Variants in AGRN observed in about 807,000 individuals in gnomAD.
AGRN encodes the protein agrin.
Under a neutral mutation model 211.0 loss-of-function variants are expected in AGRN, and 106 were observed. The observed-to-expected ratio is 0.50, with a 90% CI of 0.43 to 0.59. The LOEUF is 0.59. AGRN is among the 20% of genes least tolerant of loss of function. AGRN has a pLI of 0.00. For missense variants in AGRN, 3,040 were observed against 2,982.6 expected, an observed-to-expected ratio of 1.02 and a Z score of -0.45; for synonymous variants, 1,525 against 1,332.5, an observed-to-expected ratio of 1.14 and a Z score of -3.15.
intron 2 of AGRN, chr1:1,034,340 C>G: frequency 1.0e-6 from 1 of 985,522 alleles, no homozygotes; most frequent in Non-Finnish European, 1.2e-6. Flanking sequence ...ATTTCTACTC[C>G]GGGAGAATTC....
intron 3 of AGRN, among the ~76,000 whole-genome samples, chr1:1,037,519 A>G (rs572426845): frequency 2.0e-5 from 3 of 152,204 alleles, no homozygotes; most frequent in African/African-American, 7.2e-5. Context: ...ACCCGCTCCT[A>G]TAAAAAGCAC....
rs369468217 is a variant in AGRN, at chr1:1,048,489, G to A, written c.4105+124G>A. On this transcript the variant is annotated intron_variant, in intron 23 of 35. Transcript: ENST00000379370. The surrounding 1 kb of genome is among the most constrained non-coding windows in gnomAD (Gnocchi z 5.9). ...GGAGCCCGGATTAAGGCGGGGTTTC[G>A]GCCAGATGCGGTGGCTCACGCCTGT... is the stretch of plus-strand genomic sequence containing the variant. The A allele has an allele frequency of 1.9e-5, 16 of 859,006 alleles. No individual in the cohort carries two copies. The highest frequency in any genetic ancestry group is 1.4e-4 in the East Asian group (5 of 36,462). 53.2% of individuals were successfully genotyped at this position (859,006 alleles called of 1,614,324 possible). A position where few individuals can be genotyped will look rare whatever the true frequency, so the allele number is the denominator to read the frequency against.
Position 1,041,290 on chromosome 1 carries a change from G to A in AGRN, c.845G>A (p.Gly282Glu). The A allele has an allele frequency of 6.6e-7, 1 of 1,515,780 alleles. No individual in the cohort carries two copies. Among genetic ancestry groups the A allele is most frequent in the Admixed American group, 2.0e-5 (1 of 49,156 alleles). 93.9% of individuals were successfully genotyped at this position (1,515,780 alleles called of 1,614,324 possible). Residue 282 changes from glycine (G) to glutamate (E), a missense_variant, in exon 5 of 36, where the codon GGG (glycine) becomes GAG (glutamate). Gly to Glu is a moderately conservative substitution (Grantham distance 98). Transcript: ENST00000379370. ...GCGACCTGCCGTGGCGCCCCCGAGG[G>A]GACCGTCTGCGGCAGCGACGGCGCC... ...CPATCRGAPE[G>E]TVCGSDGADY... is the part of the protein sequence containing the mutation.
In AGRN at chr1:1,048,887, G is replaced by A; in HGVS notation, c.4126G>A (p.Ala1376Thr). Reference sequence around the variant, plus strand: ...TGCAGTGCTTGGCGCCCCTGTGCCGGCCTTCGAGGGCCGCTCCTTCCTGGC... The same window carrying A: ...TGCAGTGCTTGGCGCCCCTGTGCCGACCTTCGAGGGCCGCTCCTTCCTGGC... ...CEKVLGAPVPAFEGRSFLAFP... is the reference protein window; with the variant it reads ...CEKVLGAPVPTFEGRSFLAFP... Residue 1376 changes from alanine to threonine, a missense_variant, in exon 24 of 36, where the codon GCC becomes ACC. Around this residue, in one of 3 missense-constraint regions of AGRN, gnomAD observed 1,537 missense variants for 1,505.0 expected, o/e 1.02. Coordinates refer to ENST00000379370, the MANE Select transcript of AGRN (RefSeq NM_198576.4). The surrounding 1 kb of genome is among the most constrained non-coding windows in gnomAD (Gnocchi z 5.9). 6.5e-7 allele frequency: 1 copy of A among 1,542,252 alleles called. No homozygotes were observed. Among genetic ancestry groups the A allele is most frequent in the Non-Finnish European group, 8.7e-7 (1 of 1,143,456 alleles).
chr1:1,039,282 G>T (rs2465135), intron 3 of AGRN, among the ~76,000 whole-genome samples: 135,806 of 151,662 alleles, frequency 0.9, 61,188 homozygotes, highest in East Asian at 1. Context: ...GATGGCAGGC[G>T]GATGGCCCTC....
At position 1,045,802 on chromosome 1, in the gene AGRN, A is replaced by T; in HGVS notation, c.2606A>T (p.Lys869Met). ...CAGATGACGGGGCTGTGCTCGTGTA[A>T]GCCCGGGGTGGCTGGACCCAAGTGT... ...CEQMTGLCSC[K>M]PGVAGPKCGQ... Residue 869 changes from lysine to methionine, a missense_variant, in exon 15 of 36, where the codon AAG (lysine) becomes ATG (methionine). Around this residue, in one of 3 missense-constraint regions of AGRN, gnomAD observed 1,498 missense variants for 1,457.8 expected, o/e 1.03. Transcript: ENST00000379370. The T allele has an allele frequency of 6.2e-7, 1 of 1,613,096 alleles. No homozygotes were observed. Among genetic ancestry groups the T allele is most frequent in the Non-Finnish European group, 8.5e-7 (1 of 1,179,934 alleles).
chr1:1,040,530 G>A, intron 3 of AGRN, 135 bp from the exon 4 acceptor site: 1 of 1,074,526 alleles, frequency 9.3e-7, no homozygotes, highest in Non-Finnish European at 1.3e-6. Context: ...ACGCGTGTCC[G>A]TGTCCGTGGT....
At chr1:1,046,308 C>T in intron 17 of AGRN, 43 bp downstream of exon 17, 1 of 1,611,830 alleles carries the variant, frequency 6.2e-7, no homozygotes, top group Non-Finnish European at 8.5e-7. Flanking sequence ...CCAGGAAGGC[C>T]TGACGCTGCC....
At chr1:1,020,462 G>C (rs1644371353) in intron 1 of AGRN, 89 bp downstream of exon 1, 2 of 1,291,908 alleles carry the variant, frequency 1.5e-6, no homozygotes, top group Admixed American at 5.6e-5. Context: ...AGCCCCGGTC[G>C]CTCCGCAGCC....
chr1:1,052,098 C>G (rs1173826576), intron 33 of AGRN: 4 of 1,410,952 alleles, frequency 2.8e-6, no homozygotes, highest in South Asian at 1.2e-5. Context: ...CCGGAGCCCC[C>G]GGGGAACTTT....
chr1:1,025,420 C>T (rs996948426), intron 2 of AGRN, among the ~76,000 whole-genome samples: 4 of 152,158 alleles, frequency 2.6e-5, no homozygotes, highest in Admixed American at 6.5e-5. Context: ...TTGAGGGGCC[C>T]GACAGCCCCA....
At chr1:1,035,984 G>C (rs1230799692) in intron 3 of AGRN, among the ~76,000 whole-genome samples, 1 of 152,164 alleles carries the variant, frequency 6.6e-6, no homozygotes, top group African/African-American at 2.4e-5. Context: ...GAAGTGGTCA[G>C]CTTTGCAGAG....
At position 1,034,096 on chromosome 1, in the gene AGRN, C is replaced by A. The variant is rs572104892; in HGVS notation, c.464-1181C>A. 5.1e-6 allele frequency: 5 copies of A among 983,626 alleles called. No homozygotes were observed. The South Asian group carries it at 2.4e-4, about 46-fold the overall frequency. The allele number at this position is 983,626 out of a possible 1,614,324, so 60.9% of individuals were successfully genotyped here. On this transcript the variant is annotated intron_variant, in intron 2 of 35. Coordinates refer to ENST00000379370, the MANE Select transcript of AGRN (RefSeq NM_198576.4). ...TTCTTCTCGCTCCCGACGCGGCCGC[C>A]CCTCCTGCCTGCCCGCTCCTATCGC...
chr1:1,046,054 C>T lies in AGRN; in HGVS notation c.2771C>T (p.Pro924Leu), dbSNP rs530518237. The change falls in exon 16 of 36, where the codon CCG (proline) becomes CTG (leucine). Residue 924 changes from proline (P) to leucine (L), a missense_variant. Coordinates refer to ENST00000379370, the MANE Select transcript of AGRN (RefSeq NM_198576.4). ...EESGSAHCVCPMLTCPEANAT... is the reference protein window; with the variant it reads ...EESGSAHCVCLMLTCPEANAT... ...TCTGGCTCAGCCCACTGTGTCTGCC[C>T]GATGCTCACCTGTCCAGAGGCCAAC... 1.5e-5 allele frequency: 24 copies of T among 1,613,912 alleles called. No individual in the cohort carries two copies. The highest frequency in any genetic ancestry group is 9.3e-5 in the African/African-American group (7 of 74,930).
chr1:1,043,890 G>A lies in AGRN; in HGVS notation c.1866G>A (p.Arg622=), dbSNP rs763899979. The change falls in exon 10 of 36, where the codon CGG becomes CGA. Residue 622 remains arginine (R), a synonymous_variant. Coordinates refer to ENST00000379370, the MANE Select transcript of AGRN (RefSeq NM_198576.4). The stretch of plus-strand genomic sequence containing the variant: ...CCGCAGGGCAGTGTGTGTGTCCCCG[G>A]TGTGAGCACCCCCCGCCCGGCCCCG... ...VCSAGQCVCP[R]CEHPPPGPVC... 1.2e-6 allele frequency: 2 copies of A among 1,610,940 alleles called. No individual in the cohort carries two copies. The highest frequency in any genetic ancestry group is 8.5e-7 in the Non-Finnish European group (1 of 1,179,660).
In AGRN at chr1:1,053,614, C is replaced by T. The variant is rs543200235; in HGVS notation, c.5652-139C>T. The T allele has an allele frequency of 2.2e-4, 322 of 1,488,864 alleles. 1 individual carries two copies. Among genetic ancestry groups the T allele is most frequent in the Admixed American group, 8.1e-4 (41 of 50,804 alleles). The allele number at this position is 1,488,864 out of a possible 1,614,324, so 92.2% of individuals were successfully genotyped here. ...CCATCCCTCTTCTCCCTCCCACTGTCGGTGTCTGCCCACCAGCCACCCCTG... is the reference window on the plus strand; with the variant it reads ...CCATCCCTCTTCTCCCTCCCACTGTTGGTGTCTGCCCACCAGCCACCCCTG... On this transcript the variant is annotated intron_variant, in intron 33 of 35. Transcript: ENST00000379370.
intron 3 of AGRN, among the ~76,000 whole-genome samples, 142 bp from the exon 4 acceptor site, chr1:1,040,511 AGCGCACGCACGC>A (rs2100628163): frequency 6.6e-6 from 1 of 151,796 alleles, no homozygotes; most frequent in Non-Finnish European, 1.5e-5. Flanking sequence ...CGGTCCTGTG[AGCGCACGCACGC>A]GTGTCCGTGT....
chr1:1,029,974 GATC>G (rs1452834483), intron 2 of AGRN, among the ~76,000 whole-genome samples: 2 of 57,022 alleles, frequency 3.5e-5, no homozygotes, highest in Non-Finnish European at 7.9e-5. Flanking sequence ...TGCTGTGTGA[GATC>G]AGCATGTGTG....
chr1:1,042,364 G>A (rs548617986), intron 7 of AGRN, among the ~76,000 whole-genome samples: 4 of 152,310 alleles, frequency 2.6e-5, no homozygotes, highest in African/African-American at 7.2e-5. Flanking sequence ...CAGAGGCGGG[G>A]CCTTGTCCAG....
Sources: allele counts gnomAD v4.1 joint callset (sites outside exome capture counted in the v4.1 genomes callset), GRCh38; gene constraint gnomAD v4.1.1; regional missense constraint gnomAD v4.1.1; non-coding constraint Gnocchi (gnomAD v3.1); transcripts MANE v1.5; gene names NCBI Gene and HGNC (gene_info 2026-07-23, HGNC 2026-07-21).